CDKAL1: variants seen among roughly 807,000 people sequenced by gnomAD.
CDKAL1 encodes the protein threonylcarbamoyladenosine tRNA methylthiotransferase.
CDKAL1 carries 32 observed loss-of-function variants against 68.2 expected under a neutral mutation model. The ratio of observed to expected loss-of-function variants is 0.47; its 90% confidence interval spans 0.35 to 0.63. The LOEUF (loss-of-function observed/expected upper bound fraction) is 0.63. Ranked by LOEUF, CDKAL1 falls within the 30% of genes least tolerant of loss-of-function variation. The pLI is 0.00. For missense variants in CDKAL1, 606 were observed against 696.7 expected (o/e 0.87, Z 1.47); for synonymous variants, 234 against 244.3 (o/e 0.96, Z 0.39).
chr6:20,878,488 C>G (rs1187150420), intron 9 of CDKAL1, among the ~76,000 whole-genome samples: 2 of 152,188 alleles, frequency 1.3e-5, no homozygotes, highest in Admixed American at 1.3e-4. Flanking sequence ...GCCTGTAATC[C>G]CAGCACTTTG....
At chr6:21,163,277 G>A (rs763547928) in intron 13 of CDKAL1, among the ~76,000 whole-genome samples, 1 of 152,072 alleles carries the variant, frequency 6.6e-6, no homozygotes, top group South Asian at 2.1e-4. Context: ...TCCTGGGGTC[G>A]GTTTTATAAC....
At chr6:20,851,643 GA>G (rs1759020623) in intron 9 of CDKAL1, among the ~76,000 whole-genome samples, 1 of 151,964 alleles carries the variant, frequency 6.6e-6, no homozygotes, top group Non-Finnish European at 1.5e-5. Flanking sequence ...AATAAATTAG[GA>G]TGAAATATTC....
intron 4 of CDKAL1, among the ~76,000 whole-genome samples, chr6:20,623,251 T>C (rs1767277968): frequency 6.6e-6 from 1 of 152,076 alleles, no homozygotes; most frequent in Admixed American, 6.6e-5. Flanking sequence ...AAAATACATA[T>C]ACTTATTTGA....
intron 15 of CDKAL1, among the ~76,000 whole-genome samples, chr6:21,210,700 G>A (rs1361241157): frequency 1.3e-5 from 2 of 152,210 alleles, no homozygotes; most frequent in East Asian, 1.9e-4. Flanking sequence ...TGGAAGATAG[G>A]AGATCTCTGA....
chr6:20,695,255 A>ATGGGAG (rs1249697360), intron 5 of CDKAL1, among the ~76,000 whole-genome samples: 5 of 152,176 alleles, frequency 3.3e-5, no homozygotes, highest in African/African-American at 1.2e-4. Flanking sequence ...TTTAGCGCTG[A>ATGGGAG]TGGGAGTATC....
intron 4 of CDKAL1, among the ~76,000 whole-genome samples, chr6:20,648,461 A>G (rs546702566): frequency 1.6e-4 from 25 of 151,626 alleles, no homozygotes; most frequent in African/African-American, 5.8e-4. Flanking sequence ...GTTACCAGAA[A>G]CTCTGATGTG....
intron 4 of CDKAL1, among the ~76,000 whole-genome samples, chr6:20,646,222 A>G (rs1768453930): frequency 6.6e-6 from 1 of 151,344 alleles, no homozygotes; most frequent in Admixed American, 6.6e-5. Context: ...GCACCCGGCT[A>G]ATTTTTGTAT....
At chr6:21,011,237 A>T (rs1768002131) in intron 11 of CDKAL1, among the ~76,000 whole-genome samples, 1 of 150,322 alleles carries the variant, frequency 6.7e-6, no homozygotes, top group South Asian at 2.1e-4. Context: ...CAAAAAAATT[A>T]GCCGGGCGCG....
At chr6:21,004,929 T>C (rs1767641137) in intron 11 of CDKAL1, among the ~76,000 whole-genome samples, 1 of 152,212 alleles carries the variant, frequency 6.6e-6, no homozygotes, top group Non-Finnish European at 1.5e-5. Flanking sequence ...GCTGCTGCAC[T>C]CCAGCCTGCG....
intron 11 of CDKAL1, among the ~76,000 whole-genome samples, chr6:21,062,267 C>G (rs780886544): frequency 2.0e-5 from 3 of 152,130 alleles, no homozygotes; most frequent in Non-Finnish European, 4.4e-5. Context: ...TAAAAATTTT[C>G]TAGGAGAGAT....
intron 13 of CDKAL1, among the ~76,000 whole-genome samples, chr6:21,110,631 G>A (rs1230604764): frequency 6.6e-6 from 1 of 152,114 alleles, no homozygotes; most frequent in Non-Finnish European, 1.5e-5. Flanking sequence ...GTCAGTGAAA[G>A]CTTTTATGAA....
chr6:20,570,685 A>C (rs1764663851), intron 4 of CDKAL1, among the ~76,000 whole-genome samples: 1 of 152,170 alleles, frequency 6.6e-6, no homozygotes, highest in Admixed American at 6.5e-5. Flanking sequence ...ACAGGTGTGC[A>C]CTGGGTCAGC....
At chr6:21,100,707 T>A (rs1773538437) in intron 12 of CDKAL1, among the ~76,000 whole-genome samples, 1 of 152,004 alleles carries the variant, frequency 6.6e-6, no homozygotes, top group Non-Finnish European at 1.5e-5. Context: ...GTATTTTTTT[T>A]ATCACTAACT....
intron 12 of CDKAL1, among the ~76,000 whole-genome samples, chr6:21,103,710 T>C (rs1016777000): frequency 2.0e-5 from 3 of 152,166 alleles, no homozygotes; most frequent in Non-Finnish European, 4.4e-5. Flanking sequence ...CTTGTACAAT[T>C]TGGGGAAAAA....
At chr6:20,820,751 A>G (rs1777243601) in intron 8 of CDKAL1, among the ~76,000 whole-genome samples, 1 of 152,054 alleles carries the variant, frequency 6.6e-6, no homozygotes, top group African/African-American at 2.4e-5. Context: ...ATATTCAAAA[A>G]TGTTTATTGA....
chr6:20,841,505 C>T (rs1336975766), intron 8 of CDKAL1, among the ~76,000 whole-genome samples: 1 of 152,122 alleles, frequency 6.6e-6, no homozygotes, highest in South Asian at 2.1e-4. Flanking sequence ...ATTAAGTTGA[C>T]CATTATGTGT....
intron 10 of CDKAL1, among the ~76,000 whole-genome samples, chr6:20,999,429 T>C (rs1329221292): frequency 2.6e-5 from 4 of 152,072 alleles, no homozygotes; most frequent in Non-Finnish European, 5.9e-5. Flanking sequence ...TTCGCCCCCT[T>C]TGTATCCTTG....
chr6:20,894,846 A>G (rs1561864603), intron 9 of CDKAL1, among the ~76,000 whole-genome samples: 1 of 152,150 alleles, frequency 6.6e-6, no homozygotes. Context: ...TGTGTTTTAA[A>G]ATATATATAC....
At chr6:20,874,075 G>A (rs758964852) in intron 9 of CDKAL1, among the ~76,000 whole-genome samples, 10 of 152,138 alleles carry the variant, frequency 6.6e-5, no homozygotes, top group Non-Finnish European at 1.3e-4. Flanking sequence ...CTTGAAGGAC[G>A]TTGGGCCTGG....
Sources: gnomAD v4.1 joint callset for allele counts (sites outside exome capture counted in the v4.1 genomes callset) on GRCh38, gnomAD v4.1.1 for gene constraint, MANE v1.5 for transcripts, NCBI Gene and HGNC (gene_info 2026-07-23, HGNC 2026-07-21) for gene names.